The following RBFOX1 variants were observed in gnomAD, a reference collection of about 807,000 sequenced individuals.
RBFOX1 encodes the protein RNA binding fox-1 homolog 1.
In RBFOX1, 8 loss-of-function variants were observed where a neutral mutation model predicts 57.7. That is an observed-to-expected ratio of 0.14 (90% CI 0.08 to 0.25). RBFOX1 has a LOEUF of 0.25. RBFOX1 is among the 10% of genes least tolerant of loss of function. The probability of loss-of-function intolerance (pLI) is 1.00; values close to 1 mark genes in which losing one functional copy is unlikely to be tolerated. For synonymous variants in RBFOX1, 326 were observed against 222.4 expected (o/e 1.47, Z -4.15); for missense variants, 611 against 548.5 (o/e 1.11, Z -1.14).
At chr16:7,250,797 C>G (rs6500940) in intron 4 of RBFOX1, among the ~76,000 whole-genome samples, 103,767 of 152,126 alleles carry the variant, frequency 0.68, 36,956 homozygotes, top group African/African-American at 0.88. Context: ...GGCACCAAGA[C>G]AGCTGCAGTT....
intron 2 of RBFOX1, among the ~76,000 whole-genome samples, chr16:5,493,590 C>T (rs939314215): frequency 6.6e-5 from 10 of 152,230 alleles, no homozygotes; most frequent in African/African-American, 2.4e-4. Context: ...ATTTTCCATA[C>T]ACACCTATCA....
chr16:7,209,936 G>A (rs1212502013), intron 4 of RBFOX1, among the ~76,000 whole-genome samples: 1 of 152,164 alleles, frequency 6.6e-6, no homozygotes, highest in African/African-American at 2.4e-5. Context: ...GTTGATGGTA[G>A]GCAGGCAAAA....
At chr16:6,744,371 C>G (rs567504853) in intron 3 of RBFOX1, among the ~76,000 whole-genome samples, 57 of 152,080 alleles carry the variant, frequency 3.7e-4, no homozygotes, top group African/African-American at 1.3e-3. Flanking sequence ...CTGTAGAACC[C>G]TCTATCCTAA....
At position 7,281,090 on chromosome 16, in the gene RBFOX1, C is replaced by T. The variant is rs149108212; in HGVS notation, c.27+228992C>T. On this transcript the variant is annotated intron_variant, in intron 4 of 15. Transcript: ENST00000550418. The stretch of plus-strand genomic sequence containing the variant: ...CAGTCTTGGCTCACTGCAACCTCTG[C>T]CTCCTGGGTTCAAGCAACTCTCCTG... Among the ~76,000 whole-genome samples the T allele has an allele frequency of 4.8e-3, 727 of 151,480 alleles. 10 individuals carry two copies. Among genetic ancestry groups the T allele is most frequent in the African/African-American group, 0.017 (695 of 41,230 alleles).
intron 1 of RBFOX1, chr16:5,271,023 A>G (rs1223069905): frequency 7.3e-6 from 2 of 275,292 alleles, no homozygotes; most frequent in Admixed American, 1.0e-4. Context: ...ACAACAATGA[A>G]AAAAGCAAAA....
At chr16:5,863,732 A>G (rs954173056) in intron 3 of RBFOX1, among the ~76,000 whole-genome samples, 1 of 152,194 alleles carries the variant, frequency 6.6e-6, no homozygotes, top group African/African-American at 2.4e-5. Flanking sequence ...TTAATGCGGT[A>G]TAGTTTACCT....
downstream of RBFOX1, among the ~76,000 whole-genome samples, chr16:5,602,183 C>G (rs1189293737): frequency 2.0e-5 from 3 of 152,218 alleles, no homozygotes; most frequent in Admixed American, 2.0e-4. Flanking sequence ...ATTTTGACGA[C>G]CTCTACTGGA....
intron 1 of RBFOX1, among the ~76,000 whole-genome samples, chr16:6,255,972 G>A (rs1421540102): frequency 6.6e-6 from 1 of 150,942 alleles, no homozygotes; most frequent in African/African-American, 2.4e-5. Flanking sequence ...ACACGTTGAT[G>A]GGTGCAGCAA....
chr16:7,081,464 G>A (rs994478190), intron 4 of RBFOX1, among the ~76,000 whole-genome samples: 5 of 152,204 alleles, frequency 3.3e-5, no homozygotes, highest in Admixed American at 2.6e-4. Flanking sequence ...AAGGGAAGCT[G>A]TTCTTGGCTT....
intron 2 of RBFOX1, among the ~76,000 whole-genome samples, chr16:6,557,238 C>G (rs907828956): frequency 1.3e-5 from 2 of 150,648 alleles, no homozygotes; most frequent in African/African-American, 4.9e-5. Flanking sequence ...TTGGAATCAC[C>G]ATGCCCTTCT....
At chr16:5,538,840 A>G (rs2044812401) in intron 2 of RBFOX1, among the ~76,000 whole-genome samples, 1 of 152,070 alleles carries the variant, frequency 6.6e-6, no homozygotes, top group African/African-American at 2.4e-5. Flanking sequence ...GTTAGCCATG[A>G]TGTTCTCGAT....
intron 2 of RBFOX1, among the ~76,000 whole-genome samples, chr16:6,553,457 A>G (rs1403423020): frequency 6.6e-6 from 1 of 152,202 alleles, no homozygotes; most frequent in Non-Finnish European, 1.5e-5. Context: ...TTGGCAAGGG[A>G]AACATGGAAA....
At chr16:7,278,800 T>G (rs2095488765) in intron 4 of RBFOX1, among the ~76,000 whole-genome samples, 1 of 152,252 alleles carries the variant, frequency 6.6e-6, no homozygotes, top group African/African-American at 2.4e-5. Flanking sequence ...ACACTGATAT[T>G]CATTCTGAAG....
intron 2 of RBFOX1, among the ~76,000 whole-genome samples, chr16:5,492,581 G>C (rs2042869697): frequency 6.6e-6 from 1 of 152,230 alleles, no homozygotes; most frequent in Admixed American, 6.5e-5. Flanking sequence ...GCAGTACAGT[G>C]TGTACAAAGG....
At chr16:6,885,075 G>A (rs2063712467) in intron 3 of RBFOX1, among the ~76,000 whole-genome samples, 1 of 152,154 alleles carries the variant, frequency 6.6e-6, no homozygotes, top group South Asian at 2.1e-4. Flanking sequence ...TGCAGAAACT[G>A]ATACAGAGAC....
At chr16:7,054,481 T>C (rs2051358405) in intron 4 of RBFOX1, among the ~76,000 whole-genome samples, 1 of 141,630 alleles carries the variant, frequency 7.1e-6, no homozygotes, top group Non-Finnish European at 1.5e-5. Context: ...GACCTCGTGA[T>C]CCGCCAGCCT....
intron 1 of RBFOX1, among the ~76,000 whole-genome samples, chr16:5,443,268 C>G (rs76959607): frequency 0.038 from 5,762 of 152,244 alleles, 191 homozygotes; most frequent in Non-Finnish European, 0.054. Flanking sequence ...ATTCTAAGCT[C>G]CAGGTCACCT....
At chr16:7,100,640 G>A (rs565630112) in intron 4 of RBFOX1, among the ~76,000 whole-genome samples, 22 of 145,824 alleles carry the variant, frequency 1.5e-4, no homozygotes, top group African/African-American at 4.8e-4. Flanking sequence ...TGGATGTCAG[G>A]TTTTTCTTGA....
intron 4 of RBFOX1, among the ~76,000 whole-genome samples, chr16:6,013,954 G>C (rs1329078686): frequency 1.4e-5 from 2 of 147,978 alleles, no homozygotes; most frequent in African/African-American, 5.0e-5. Context: ...ACACACCGGG[G>C]CCTGTTGTGG....
Sources: gnomAD v4.1 joint callset for allele counts (sites outside exome capture counted in the v4.1 genomes callset) on GRCh38, gnomAD v4.1.1 for gene constraint, MANE v1.5 for transcripts, NCBI Gene and HGNC (gene_info 2026-07-23, HGNC 2026-07-21) for gene names.